Variants in EHBP1 observed in about 807,000 individuals in gnomAD.
EHBP1 encodes the protein EH domain-binding protein 1.
Under a neutral mutation model 144.0 loss-of-function variants are expected in EHBP1, and 55 were observed. That is an observed-to-expected ratio of 0.38 (90% CI 0.31 to 0.48). The LOEUF is 0.48. Among genes scored for constraint, EHBP1 ranks in the 20% least tolerant of loss-of-function variants. The pLI is 0.98. For missense variants in EHBP1, 1,200 were observed against 1,364.2 expected, an observed-to-expected ratio of 0.88 and a Z score of 1.90; for synonymous variants, 469 against 472.7, an observed-to-expected ratio of 0.99 and a Z score of 0.10.
At chr2:62,970,292 T>C (rs1438903527) in intron 14 of EHBP1, among the ~76,000 whole-genome samples, 1 of 152,092 alleles carries the variant, frequency 6.6e-6, no homozygotes, top group Non-Finnish European at 1.5e-5. Context: ...TAGGTTAAAA[T>C]TTATTTAGCT....
At chr2:62,871,135 A>G (rs2050447198) in intron 9 of EHBP1, among the ~76,000 whole-genome samples, 1 of 152,210 alleles carries the variant, frequency 6.6e-6, no homozygotes, top group South Asian at 2.1e-4. Context: ...TAATAGCCAC[A>G]CACCTAGAAT....
intron 7 of EHBP1, among the ~76,000 whole-genome samples, chr2:62,845,410 A>T (rs942361127): frequency 4.8e-4 from 73 of 152,322 alleles, no homozygotes; most frequent in African/African-American, 1.7e-3. Context: ...CCTTCAGGGA[A>T]CAAAATCTAA....
chr2:62,782,545 T>G (rs1485153499), intron 5 of EHBP1, among the ~76,000 whole-genome samples: 1 of 152,190 alleles, frequency 6.6e-6, no homozygotes, highest in Non-Finnish European at 1.5e-5. Context: ...CAGTTCCGTA[T>G]GGCTGGGGAG....
chr2:62,942,531 G>A (rs900585589), intron 10 of EHBP1, among the ~76,000 whole-genome samples, 187 bp from the exon 11 acceptor site: 4 of 152,184 alleles, frequency 2.6e-5, no homozygotes, highest in African/African-American at 9.7e-5. Flanking sequence ...CAAATGCCAA[G>A]GGCTAAAACT....
At chr2:62,685,728 C>G (rs945448593) in intron 1 of EHBP1, among the ~76,000 whole-genome samples, 1 of 152,092 alleles carries the variant, frequency 6.6e-6, no homozygotes, top group African/African-American at 2.4e-5. Context: ...AGCGGCAGCA[C>G]CTTTTGCTCC....
At chr2:63,038,698 T>A in intron 20 of EHBP1, 45 bp from the exon 21 acceptor site, 1 of 1,549,136 alleles carries the variant, frequency 6.5e-7, no homozygotes, top group Non-Finnish European at 8.9e-7. Context: ...AAGTTTTTAA[T>A]GATTTAGTAA....
At chr2:62,733,259 A>G (rs755476239) in intron 2 of EHBP1, among the ~76,000 whole-genome samples, 20 of 152,304 alleles carry the variant, frequency 1.3e-4, no homozygotes, top group Non-Finnish European at 2.6e-4. Flanking sequence ...GGCTCTGTTT[A>G]CTGTTTACCG....
chr2:62,795,126 T>G (rs1344818617), intron 5 of EHBP1, among the ~76,000 whole-genome samples: 3 of 151,996 alleles, frequency 2.0e-5, no homozygotes, highest in African/African-American at 7.2e-5. Flanking sequence ...TTAGCACAGG[T>G]CAAGCCTCTT....
intron 6 of EHBP1, chr2:62,826,573 A>G (rs949314948): frequency 5.5e-5 from 10 of 180,326 alleles, no homozygotes; most frequent in Admixed American, 2.5e-4. Context: ...TCTGAGGTAC[A>G]CACAGTTCAA....
At chr2:62,750,421 G>T (rs1292372642) in intron 3 of EHBP1, among the ~76,000 whole-genome samples, 1 of 152,186 alleles carries the variant, frequency 6.6e-6, no homozygotes, top group Non-Finnish European at 1.5e-5. Context: ...GTAGCATGAT[G>T]CCTCCAGCTT....
At chr2:62,862,087 T>C (rs2049605470) in intron 8 of EHBP1, among the ~76,000 whole-genome samples, 2 of 152,188 alleles carry the variant, frequency 1.3e-5, no homozygotes, top group African/African-American at 4.8e-5. Flanking sequence ...GTTTGAATAT[T>C]ATCATGGTAT....
At chr2:62,810,452 A>C (rs931141593) in intron 5 of EHBP1, among the ~76,000 whole-genome samples, 1 of 152,228 alleles carries the variant, frequency 6.6e-6, no homozygotes, top group Non-Finnish European at 1.5e-5. Flanking sequence ...AGTTAGAGCC[A>C]ACTTGTTTTG....
intron 9 of EHBP1, among the ~76,000 whole-genome samples, chr2:62,871,836 A>C (rs923711851): frequency 8.5e-5 from 13 of 152,152 alleles, no homozygotes; most frequent in African/African-American, 3.1e-4. Flanking sequence ...ACACTTAGCA[A>C]CTGCATGGGT....
At chr2:62,919,967 A>G (rs1188461754) in intron 10 of EHBP1, among the ~76,000 whole-genome samples, 4 of 152,152 alleles carry the variant, frequency 2.6e-5, no homozygotes. Context: ...AGAAAAGGGA[A>G]CACAGCCTAA....
intron 1 of EHBP1, among the ~76,000 whole-genome samples, chr2:62,699,664 T>C (rs920181239): frequency 6.6e-6 from 1 of 152,244 alleles, no homozygotes; most frequent in African/African-American, 2.4e-5. Flanking sequence ...CGTTTACAGT[T>C]GTCATCCATT....
chr2:62,821,292 T>C (rs867869433), intron 5 of EHBP1, among the ~76,000 whole-genome samples: 1 of 152,168 alleles, frequency 6.6e-6, no homozygotes. Flanking sequence ...ATTTTACTTA[T>C]TGTGGGGTTC....
intron 10 of EHBP1, among the ~76,000 whole-genome samples, chr2:62,890,786 G>A (rs2052394837): frequency 6.6e-6 from 1 of 152,218 alleles, no homozygotes; most frequent in South Asian, 2.1e-4. Flanking sequence ...AGGAAGAGAG[G>A]AAGTCAAACT....
intron 19 of EHBP1, among the ~76,000 whole-genome samples, chr2:63,004,412 C>A (rs1429289813): frequency 6.6e-6 from 1 of 152,004 alleles, no homozygotes; most frequent in African/African-American, 2.4e-5. Flanking sequence ...TGGGAAGGTC[C>A]TCTTCTCTAT....
At chr2:62,887,511 G>A (rs936004326) in intron 10 of EHBP1, among the ~76,000 whole-genome samples, 7 of 150,978 alleles carry the variant, frequency 4.6e-5, no homozygotes, top group African/African-American at 1.7e-4. Flanking sequence ...GCTGAGGTGG[G>A]AGATTCGCTT....
Sources: gnomAD v4.1 joint callset for allele counts (sites outside exome capture counted in the v4.1 genomes callset) on GRCh38, gnomAD v4.1.1 for gene constraint, MANE v1.5 for transcripts, NCBI Gene and HGNC (gene_info 2026-07-23, HGNC 2026-07-21) for gene names.